The following ABCC1 variants were observed in gnomAD, a reference collection of about 807,000 sequenced individuals.
The protein encoded by ABCC1 is multidrug resistance-associated protein 1.
Under a neutral mutation model 172.9 loss-of-function variants are expected in ABCC1, and 83 were observed. The ratio of observed to expected loss-of-function variants is 0.48; its 90% CI spans 0.40 to 0.58. The LOEUF (loss-of-function observed/expected upper bound fraction) is 0.58. Ranked by LOEUF, ABCC1 falls within the 20% of genes least tolerant of loss-of-function variation. The probability of loss-of-function intolerance (pLI) is 0.00; values close to 1 mark genes in which losing one functional copy is unlikely to be tolerated. For missense variants in ABCC1, 1,817 were observed against 2,002.7 expected (o/e 0.91, Z 1.77); for synonymous variants, 937 against 825.2 (o/e 1.14, Z -2.32).
chr16:16,099,379 C>T lies in ABCC1; in HGVS notation c.2645-3248C>T, dbSNP rs576439685. 7.9e-5 allele frequency among the ~76,000 whole-genome samples: 12 copies of T among 152,290 alleles called. No homozygotes were observed. In the East Asian group the frequency reaches 2.3e-3, roughly 29 times the overall value. ...TGGTGGGGACCCTGAAGAGGGATGT[C>T]GCCTAGTGGAATTCCAGTGGCCAGA... is the stretch of plus-strand genomic sequence containing the variant. On this transcript the variant is annotated intron_variant, in intron 19 of 30. Transcript: ENST00000399410.
chr16:16,120,554 C>G lies in ABCC1; in HGVS notation c.3391-1421C>G, dbSNP rs143495146. On this transcript the variant is annotated intron_variant, in intron 23 of 30. Transcript: ENST00000399410. ...AGGGTGGGTGGAGCTGCTTGTGAAA[C>G]GTATCATCGTAGCCCGGGAGCTGGG... Among the ~76,000 whole-genome samples, 228 of 152,242 alleles carry G rather than the reference C, an allele frequency of 1.5e-3. 1 individual carries two copies. Among genetic ancestry groups the G allele is most frequent in the Middle Eastern group, 0.014 (4 of 294 alleles).
At chr16:16,134,248 G>A in intron 27 of ABCC1, 102 bp from the exon 28 acceptor site, 2 of 1,466,858 alleles carry the variant, frequency 1.4e-6, no homozygotes, top group Non-Finnish European at 1.9e-6. Flanking sequence ...GGGTTGACCA[G>A]ATGACTGATG....
At chr16:16,103,688 A>G (rs527388031) in intron 20 of ABCC1, among the ~76,000 whole-genome samples, 2 of 152,358 alleles carry the variant, frequency 1.3e-5, no homozygotes, top group Admixed American at 6.5e-5. Context: ...GATCTGAGAA[A>G]GGATCCCGGA....
intron 26 of ABCC1, among the ~76,000 whole-genome samples, chr16:16,128,549 C>G (rs1454959317): frequency 6.6e-6 from 1 of 152,142 alleles, no homozygotes; most frequent in African/African-American, 2.4e-5. Context: ...CCTCATTAGT[C>G]CTACCACTAT....
chr16:16,117,070 T>A (rs1011278440), intron 23 of ABCC1, among the ~76,000 whole-genome samples: 1 of 152,188 alleles, frequency 6.6e-6, no homozygotes, highest in African/African-American at 2.4e-5. Flanking sequence ...ATTTAAAACT[T>A]ACACATTATT....
intron 1 of ABCC1, among the ~76,000 whole-genome samples, chr16:15,993,881 G>A (rs556738889): frequency 2.3e-4 from 35 of 152,240 alleles, no homozygotes; most frequent in African/African-American, 7.7e-4. Flanking sequence ...CGGCCCTGGA[G>A]ATCTTGCCTC....
chr16:16,131,857 G>T lies in ABCC1; in HGVS notation c.3888G>T (p.Arg1296=), dbSNP rs1475485565. Residue 1296 remains arginine (R), a synonymous_variant, in exon 27 of 31, where the codon CGG becomes CGT. Transcript: ENST00000399410. ...CCCAGGTGGGCCGAGTGGAATTCCGGAACTACTGCCTGCGCTACCGAGAGG... is the reference window on the plus strand; with the variant it reads ...CCCAGGTGGGCCGAGTGGAATTCCGTAACTACTGCCTGCGCTACCGAGAGG... ...SWPQVGRVEF[R]NYCLRYREDL... The T allele has an allele frequency of 6.2e-7, 1 of 1,614,170 alleles. No homozygotes were observed. The highest frequency in any genetic ancestry group is 1.7e-5 in the Admixed American group (1 of 60,006).
chr16:16,131,019 G>GCTTTC (rs1274814524), intron 26 of ABCC1, among the ~76,000 whole-genome samples: 5 of 152,144 alleles, frequency 3.3e-5, no homozygotes, highest in Non-Finnish European at 7.3e-5. Flanking sequence ...TACTCAGGAG[G>GCTTTC]CTGAGGCAGG....
intron 21 of ABCC1, among the ~76,000 whole-genome samples, chr16:16,109,633 C>A (rs2052299828): frequency 6.6e-6 from 1 of 152,190 alleles, no homozygotes; most frequent in Non-Finnish European, 1.5e-5. Context: ...TGTCAGGCGG[C>A]TAGACACATT....
chr16:16,072,196 T>G (rs541369328), intron 14 of ABCC1, among the ~76,000 whole-genome samples: 2,567 of 139,978 alleles, frequency 0.018, 76 homozygotes, highest in African/African-American at 0.063. Context: ...TTTTTTTTTT[T>G]GAGACAGGGT....
At chr16:15,993,905 G>T (rs568848484) in intron 1 of ABCC1, among the ~76,000 whole-genome samples, 132 of 152,216 alleles carry the variant, frequency 8.7e-4, no homozygotes, top group African/African-American at 3.0e-3. Flanking sequence ...GCGACCTCAG[G>T]CTCCATCTGT....
chr16:16,046,389 G>C (rs905447366), intron 9 of ABCC1, among the ~76,000 whole-genome samples: 8 of 151,776 alleles, frequency 5.3e-5, no homozygotes, highest in African/African-American at 1.9e-4. Context: ...CTCTCCCCCA[G>C]ACTGGAGTGC....
intron 17 of ABCC1, among the ~76,000 whole-genome samples, chr16:16,085,890 G>C (rs998784629): frequency 3.9e-5 from 6 of 152,196 alleles, no homozygotes; most frequent in Non-Finnish European, 7.3e-5. Context: ...CAGCCAAATA[G>C]GGAAACGACG....
intron 1 of ABCC1, among the ~76,000 whole-genome samples, chr16:15,995,653 C>T (rs943827160): frequency 1.1e-4 from 17 of 152,058 alleles, no homozygotes; most frequent in Non-Finnish European, 2.2e-4. Flanking sequence ...AATAAGAACC[C>T]GACTGTTGCA....
rs1555470986 is a variant in ABCC1 at position 15,949,623 on chromosome 16, C to CCGCCGCCGCCGCCGCCGCCGCCAG, written c.-119_-118insGCCGCCGCCGCCAGCGCCGCCGCC. On this transcript the variant is annotated 5_prime_UTR_variant, in exon 1 of 31. Coordinates refer to ENST00000399410, the MANE Select transcript of ABCC1 (RefSeq NM_004996.4). The stretch of plus-strand genomic sequence containing the variant: ...GCCCCGGCTCCCTGCGCCGCCGCCG[C>CCGCCGCCGCCGCCGCCGCCGCCAG]CGCCGCCGCCAGCGCTAGCGCCAGC... 4 of 620,876 alleles carry CCGCCGCCGCCGCCGCCGCCGCCAG rather than the reference C, an allele frequency of 6.4e-6. No individual in the cohort carries two copies. The East Asian group carries it at 5.6e-4, about 86-fold the overall frequency. 38.5% of individuals were successfully genotyped at this position (620,876 alleles called of 1,614,324 possible). A position where few individuals can be genotyped will look rare whatever the true frequency, so the allele number is the denominator to read the frequency against.
chr16:16,072,272 G>A (rs1341780945), intron 14 of ABCC1, among the ~76,000 whole-genome samples: 1 of 150,944 alleles, frequency 6.6e-6, no homozygotes, highest in Admixed American at 6.6e-5. Context: ...CCTTGATTTC[G>A]TGGGCTCAGG....
At chr16:16,061,221 G>A (rs1048811337) in intron 12 of ABCC1, among the ~76,000 whole-genome samples, 1 of 152,160 alleles carries the variant, frequency 6.6e-6, no homozygotes, top group Non-Finnish European at 1.5e-5. Flanking sequence ...CGCCATGCCC[G>A]GTGGGTCTTA....
chr16:15,990,655 T>C (rs8062040), intron 1 of ABCC1, among the ~76,000 whole-genome samples: 2,370 of 151,910 alleles, frequency 0.016, 56 homozygotes, highest in African/African-American at 0.054. Flanking sequence ...CAGGATTTCT[T>C]TCCTTTTTTT....
In ABCC1 at chr16:16,083,409, A is replaced by C. The variant is rs775687628; in HGVS notation, c.2159A>C (p.Asp720Ala). Residue 720 changes from aspartate to alanine, a missense_variant, in exon 17 of 31, where the codon GAT becomes GCT. Physicochemically the swap from Asp to Ala is moderately radical, Grantham distance 126. Coordinates refer to ENST00000399410, the MANE Select transcript of ABCC1 (RefSeq NM_004996.4). ...YVPQQAWIQN[D>A]SLRENILFGC... ...CCACAGCAGGCCTGGATTCAGAATG[A>C]TTCTCTCCGAGAAAACATCCTTTTT... The C allele has an allele frequency of 4.3e-6, 7 of 1,613,856 alleles. No individual in the cohort carries two copies. The East Asian group carries it at 1.6e-4, about 36-fold the overall frequency.
Sources: allele counts gnomAD v4.1 joint callset (sites outside exome capture counted in the v4.1 genomes callset), GRCh38; gene constraint gnomAD v4.1.1; transcripts MANE v1.5; gene names NCBI Gene and HGNC (gene_info 2026-07-23, HGNC 2026-07-21).